Variants in PCDHA6 observed in about 807,000 individuals in gnomAD.
PCDHA6 encodes protocadherin alpha-6.
In PCDHA6, 55 loss-of-function variants were observed where a neutral mutation model predicts 60.3. That is an observed-to-expected ratio of 0.91 (90% CI 0.73 to 1.14). The LOEUF (loss-of-function observed/expected upper bound fraction) is 1.14, where lower values mean the gene tolerates loss of function less well. Among genes scored for constraint, PCDHA6 ranks in the 50% most tolerant of loss-of-function variants. PCDHA6 has a pLI of 0.00. For synonymous variants in PCDHA6, 652 were observed against 557.9 expected (o/e 1.17, Z -2.38); for missense variants, 1,327 against 1,256.5 (o/e 1.06, Z -0.85).
intron 1 of PCDHA6, chr5:140,868,981 G>A: frequency 2.0e-6 from 3 of 1,492,274 alleles, no homozygotes; most frequent in South Asian, 2.8e-5. Flanking sequence ...CATCATACCG[G>A]ATGCCACCGT....
intron 1 of PCDHA6, chr5:140,853,001 C>A (rs1254366907): frequency 3.9e-5 from 12 of 305,202 alleles, no homozygotes; most frequent in Non-Finnish European, 6.0e-5. Context: ...GCCTCAGCCT[C>A]CCGAGTAGCT....
At chr5:140,843,906 T>C in intron 1 of PCDHA6, 1 of 648,462 alleles carries the variant, frequency 1.5e-6, no homozygotes, top group Non-Finnish European at 2.6e-6. Context: ...TCTCCACAAG[T>C]TGGGTCTATC....
intron 1 of PCDHA6, chr5:140,883,833 C>G: frequency 6.2e-7 from 1 of 1,612,590 alleles, no homozygotes; most frequent in Non-Finnish European, 8.5e-7. Flanking sequence ...GCGCTGCAGC[C>G]GTTGGACCAC....
At chr5:140,933,659 C>G (rs552302723) in intron 1 of PCDHA6, among the ~76,000 whole-genome samples, 1 of 152,058 alleles carries the variant, frequency 6.6e-6, no homozygotes, top group East Asian at 1.9e-4. Context: ...TCCTGTCTCT[C>G]TCTCTGTCTC....
At chr5:140,919,713 G>C (rs1370532221) in intron 1 of PCDHA6, among the ~76,000 whole-genome samples, 1 of 152,096 alleles carries the variant, frequency 6.6e-6, no homozygotes, top group African/African-American at 2.4e-5. Context: ...ATTCTAGTGA[G>C]ATATAAATAT....
At chr5:140,996,036 C>T (rs1324761666) in intron 3 of PCDHA6, among the ~76,000 whole-genome samples, 1 of 152,190 alleles carries the variant, frequency 6.6e-6, no homozygotes, top group Non-Finnish European at 1.5e-5. Context: ...GCTCCTAGCA[C>T]TTAACACAGT....
chr5:140,945,887 A>G (rs1291923718), intron 1 of PCDHA6, among the ~76,000 whole-genome samples: 2 of 152,132 alleles, frequency 1.3e-5, no homozygotes, highest in Admixed American at 1.3e-4. Flanking sequence ...AACAAAGAAA[A>G]CACAGTGGGA....
chr5:140,993,282 C>G lies in PCDHA6; in HGVS notation c.2542+10719C>G, dbSNP rs183298575. On this transcript the variant is annotated intron_variant, in intron 3 of 3. Transcript: ENST00000529310. Reference sequence around the variant, plus strand: ...ATTAGCTTCTTTGGTCTTTTCTTGCCCAGGGTCACAACCTTGCCTCCAGGA... The same window carrying G: ...ATTAGCTTCTTTGGTCTTTTCTTGCGCAGGGTCACAACCTTGCCTCCAGGA... Among the ~76,000 whole-genome samples, 618 of 151,922 alleles carry G rather than the reference C, an allele frequency of 4.1e-3. 6 individuals are homozygous for G. Among genetic ancestry groups the G allele is most frequent in the Non-Finnish European group, 5.9e-3 (399 of 67,976 alleles).
At chr5:140,831,961 A>G (rs1331979824) in intron 1 of PCDHA6, among the ~76,000 whole-genome samples, 1 of 152,176 alleles carries the variant, frequency 6.6e-6, no homozygotes, top group Non-Finnish European at 1.5e-5. Flanking sequence ...ACTTTATGTC[A>G]TTTTATGCTA....
intron 1 of PCDHA6, chr5:140,861,554 C>A (rs1023234694): frequency 1.8e-5 from 7 of 398,878 alleles, no homozygotes; most frequent in Non-Finnish European, 2.6e-5. Flanking sequence ...TGGAAGTGAT[C>A]GTGGACAAGC....
intron 1 of PCDHA6, among the ~76,000 whole-genome samples, chr5:140,923,323 C>T (rs1554201408): frequency 6.6e-6 from 1 of 152,092 alleles, no homozygotes; most frequent in Non-Finnish European, 1.5e-5. Context: ...CCTAGAAGTT[C>T]AAGGACAGTT....
At chr5:140,966,253 G>A in intron 1 of PCDHA6, 1 of 328,324 alleles carries the variant, frequency 3.0e-6, no homozygotes, top group South Asian at 1.5e-4. Context: ...GGGGAGAGAC[G>A]GTGGAGACTG....
chr5:140,928,219 C>T (rs2153594773), intron 1 of PCDHA6: 1 of 1,614,166 alleles, frequency 6.2e-7, no homozygotes, highest in African/African-American at 1.3e-5. Flanking sequence ...TGACAATACA[C>T]CAAACTTTCC....
chr5:140,889,086 A>G (rs1418981044), intron 1 of PCDHA6, among the ~76,000 whole-genome samples: 1 of 151,926 alleles, frequency 6.6e-6, no homozygotes, highest in Non-Finnish European at 1.5e-5. Flanking sequence ...TTAAATTTTC[A>G]AAACAATTTT....
intron 1 of PCDHA6, chr5:140,854,476 A>G (rs1156843367): frequency 6.7e-6 from 1 of 150,032 alleles, no homozygotes. Flanking sequence ...GTAGAGAAGT[A>G]TAGAAACAGA....
chr5:140,927,582 G>A lies in PCDHA6; in HGVS notation c.2395-51367G>A, dbSNP rs1554204771. On this transcript the variant is annotated intron_variant, in intron 1 of 3. Transcript: ENST00000529310. ...TTGTGGTGGACACAAATGACAACGCGCCTGTATTTGAGCGCTCCGTATACC... is the reference window on the plus strand; with the variant it reads ...TTGTGGTGGACACAAATGACAACGCACCTGTATTTGAGCGCTCCGTATACC... 3.7e-6 allele frequency: 6 copies of A among 1,614,174 alleles called. No individual in the cohort carries two copies. In the East Asian group the frequency reaches 1.1e-4, roughly 30 times the overall value.
chr5:140,960,612 G>C (rs1467595478), intron 1 of PCDHA6, among the ~76,000 whole-genome samples: 1 of 152,110 alleles, frequency 6.6e-6, no homozygotes, highest in Non-Finnish European at 1.5e-5. Context: ...ACAATATCTA[G>C]TGTGTTTTTG....
chr5:140,958,079 T>C (rs182718226), intron 1 of PCDHA6, among the ~76,000 whole-genome samples: 1 of 152,202 alleles, frequency 6.6e-6, no homozygotes, highest in East Asian at 1.9e-4. Context: ...AAGCAAAAAG[T>C]AAAGTTGTAC....
chr5:140,935,835 A>G (rs1405712064), intron 1 of PCDHA6, among the ~76,000 whole-genome samples: 3 of 151,830 alleles, frequency 2.0e-5, no homozygotes, highest in Admixed American at 6.6e-5. Flanking sequence ...CACATATTCC[A>G]TACTGCTTAA....
Sources: allele counts gnomAD v4.1 joint callset (sites outside exome capture counted in the v4.1 genomes callset), GRCh38; gene constraint gnomAD v4.1.1; transcripts MANE v1.5; gene names NCBI Gene and HGNC (gene_info 2026-07-23, HGNC 2026-07-21).